C20orf203: variants seen among roughly 807,000 people sequenced by gnomAD.
C20orf203 encodes chromosome 20 open reading frame 203, also known as uncharacterized protein C20orf203.
A neutral mutation model predicts 15.9 loss-of-function variants in C20orf203; 16 were observed. The ratio of observed to expected loss-of-function variants is 1.01; its 90% confidence interval spans 0.68 to 1.53. The LOEUF (loss-of-function observed/expected upper bound fraction) is 1.53, where lower values mean the gene tolerates loss of function less well. Among genes scored for constraint, C20orf203 ranks in the 40% most tolerant of loss-of-function variants. C20orf203 has a pLI of 0.00. For missense variants in C20orf203, 263 were observed against 247.5 expected, an observed-to-expected ratio of 1.06 and a Z score of -0.42; for synonymous variants, 98 against 97.2, an observed-to-expected ratio of 1.01 and a Z score of -0.05.
chr20:32,645,829 A>G (rs905635280), intron 4 of C20orf203, among the ~76,000 whole-genome samples: 7 of 152,148 alleles, frequency 4.6e-5, no homozygotes, highest in Admixed American at 3.3e-4. Context: ...CCTGGGTCTG[A>G]CTCACTCCAG....
At chr20:32,655,124 T>C (rs1481281171) in intron 1 of C20orf203, among the ~76,000 whole-genome samples, 2 of 152,106 alleles carry the variant, frequency 1.3e-5, no homozygotes, top group Admixed American at 6.5e-5. Flanking sequence ...TACACAAAAA[T>C]TAAAGTGGAT....
chr20:32,641,306 GC>G (rs1186057538), intron 4 of C20orf203, among the ~76,000 whole-genome samples: 1 of 141,222 alleles, frequency 7.1e-6, no homozygotes, highest in East Asian at 2.1e-4. Flanking sequence ...TTGCACTCCA[GC>G]CTGGGTGACA....
At chr20:32,663,252 T>C (rs980267743) in intron 1 of C20orf203, among the ~76,000 whole-genome samples, 2 of 151,976 alleles carry the variant, frequency 1.3e-5, no homozygotes, top group African/African-American at 4.8e-5. Context: ...CCAGCTAGAT[T>C]TATATTTTTA....
intron 4 of C20orf203, among the ~76,000 whole-genome samples, chr20:32,648,703 C>T (rs1453759977): frequency 1.3e-5 from 2 of 151,664 alleles, no homozygotes; most frequent in Non-Finnish European, 2.9e-5. Context: ...CCGCCTGCCT[C>T]GGCCTCTCAA....
intron 1 of C20orf203, among the ~76,000 whole-genome samples, chr20:32,653,048 C>T (rs1423351906): frequency 1.3e-5 from 2 of 152,196 alleles, no homozygotes; most frequent in Non-Finnish European, 2.9e-5. Context: ...TGCTCTCAGC[C>T]TCCCCAGGGC....
intron 1 of C20orf203, among the ~76,000 whole-genome samples, chr20:32,654,343 A>T (rs1982707176): frequency 6.6e-6 from 1 of 152,236 alleles, no homozygotes; most frequent in Non-Finnish European, 1.5e-5. Context: ...GAAATTAAAG[A>T]TGCCATAAAT....
chr20:32,637,948 G>C (rs1452538075), intron 5 of C20orf203, among the ~76,000 whole-genome samples: 2 of 152,032 alleles, frequency 1.3e-5, no homozygotes, highest in African/African-American at 4.8e-5. Context: ...GCATGTATGG[G>C]CGTGTGTGTG....
intron 5 of C20orf203, among the ~76,000 whole-genome samples, chr20:32,635,319 G>A (rs1270031910): frequency 2.7e-5 from 4 of 149,310 alleles, no homozygotes; most frequent in East Asian, 2.0e-4. Context: ...CTAACATGGT[G>A]AAACCCCATC....
intron 5 of C20orf203, among the ~76,000 whole-genome samples, chr20:32,637,150 C>T (rs999482006): frequency 9.2e-5 from 14 of 152,270 alleles, no homozygotes; most frequent in Admixed American, 8.5e-4. Flanking sequence ...TGGCTCACGC[C>T]TGTAATCCCA....
At chr20:32,641,333 C>CAAAAAA (rs71338447) in intron 4 of C20orf203, among the ~76,000 whole-genome samples, 1 of 56,990 alleles carries the variant, frequency 1.8e-5, no homozygotes, top group Non-Finnish European at 3.5e-5. Context: ...CTCAAAAACT[C>CAAAAAA]AAAAAAAAAA....
chr20:32,665,207 T>A (rs371795153), intron 1 of C20orf203, among the ~76,000 whole-genome samples: 45 of 152,266 alleles, frequency 3.0e-4, no homozygotes, highest in Non-Finnish European at 3.2e-4. Flanking sequence ...AGGATTCTGA[T>A]CACCTACTCC....
intron 5 of C20orf203, among the ~76,000 whole-genome samples, chr20:32,635,559 T>C (rs1490935420): frequency 6.6e-6 from 1 of 152,172 alleles, no homozygotes; most frequent in African/African-American, 2.4e-5. Flanking sequence ...CTCATGCCTG[T>C]AACCCCAGCA....
chr20:32,632,269 C>T lies in C20orf203; in HGVS notation c.*3301G>A, dbSNP rs978425262. On this transcript the variant is annotated 3_prime_UTR_variant, in exon 6 of 6. Transcript: ENST00000608990. Reference sequence around the variant, plus strand: ...GGAGAAGGCCTTTCATGGAGCACTCCTTAGATGCTGGGCCCTGAGCTAGAC... The same window carrying T: ...GGAGAAGGCCTTTCATGGAGCACTCTTTAGATGCTGGGCCCTGAGCTAGAC... 6.6e-6 allele frequency: 1 copy of T among 152,214 alleles called. No homozygotes were observed. Among genetic ancestry groups the T allele is most frequent in the African/African-American group, 2.4e-5 (1 of 41,438 alleles). The allele number at this position is 152,214 out of a possible 1,614,324, so 9.4% of individuals were successfully genotyped here.
At chr20:32,644,229 C>T (rs1429661530) in intron 4 of C20orf203, among the ~76,000 whole-genome samples, 2 of 152,130 alleles carry the variant, frequency 1.3e-5, no homozygotes, top group African/African-American at 2.4e-5. Flanking sequence ...GGGTGGATTG[C>T]CTGAGCTCAG....
At chr20:32,665,465 T>C (rs1982995701) in intron 1 of C20orf203, among the ~76,000 whole-genome samples, 1 of 152,114 alleles carries the variant, frequency 6.6e-6, no homozygotes, top group South Asian at 2.1e-4. Context: ...TTGGAGACAG[T>C]GCTGGGGAGC....
In C20orf203 at chr20:32,650,649, C is replaced by T; in HGVS notation, c.368G>A (p.Gly123Glu). 6.5e-7 allele frequency: 1 copy of T among 1,549,196 alleles called. No homozygotes were observed. Among genetic ancestry groups the T allele is most frequent in the Non-Finnish European group, 8.7e-7 (1 of 1,146,242 alleles). ...CCCAGCAGGGGCCCGCAGCCCCCTCCCCACTTCCCTATCTCTCCGACCCAC... is the reference window on the plus strand; with the variant it reads ...CCCAGCAGGGGCCCGCAGCCCCCTCTCCACTTCCCTATCTCTCCGACCCAC... ...SKVGRRDREVGRGLRAPAGRG... is the reference protein window; with the variant it reads ...SKVGRRDREVERGLRAPAGRG... The change falls in exon 4 of 6, where the codon GGG becomes GAG. Residue 123 changes from glycine (G) to glutamate (E), a missense_variant. Transcript: ENST00000608990.
At chr20:32,646,434 G>A (rs937131494) in intron 4 of C20orf203, among the ~76,000 whole-genome samples, 1 of 152,110 alleles carries the variant, frequency 6.6e-6, no homozygotes, top group African/African-American at 2.4e-5. Flanking sequence ...TCGAACTCCT[G>A]GCCTCAAGTG....
chr20:32,663,343 G>T (rs1485768998), intron 1 of C20orf203, among the ~76,000 whole-genome samples: 3 of 151,844 alleles, frequency 2.0e-5, no homozygotes, highest in African/African-American at 7.3e-5. Context: ...AAAAAGAATG[G>T]CTAAATAAAT....
At chr20:32,664,930 C>T (rs1334936316) in intron 1 of C20orf203, among the ~76,000 whole-genome samples, 3 of 152,340 alleles carry the variant, frequency 2.0e-5, no homozygotes, top group African/African-American at 4.8e-5. Context: ...CCAAGGTCAC[C>T]GTGCTAGTGT....
Sources: gnomAD v4.1 joint callset for allele counts (sites outside exome capture counted in the v4.1 genomes callset) on GRCh38, gnomAD v4.1.1 for gene constraint, MANE v1.5 for transcripts, NCBI Gene and HGNC (gene_info 2026-07-23, HGNC 2026-07-21) for gene names.